Variants in SH3GL2 observed in about 807,000 individuals in gnomAD.
SH3GL2 encodes the protein SH3 domain containing GRB2 like 2, endophilin A1.
SH3GL2 carries 24 observed loss-of-function variants against 46.0 expected under a neutral mutation model. The ratio of observed to expected loss-of-function variants is 0.52; its 90% CI spans 0.38 to 0.73. The LOEUF (loss-of-function observed/expected upper bound fraction) is 0.73, where lower values mean the gene tolerates loss of function less well. SH3GL2 is among the 30% of genes least tolerant of loss of function. The pLI, the probability that SH3GL2 is intolerant of heterozygous loss-of-function variation, is 0.00. For missense variants in SH3GL2, 413 were observed against 424.2 expected (o/e 0.97, Z 0.23); for synonymous variants, 196 against 147.1 (o/e 1.33, Z -2.40).
chr9:17,627,864 C>G (rs959910959), intron 1 of SH3GL2, among the ~76,000 whole-genome samples: 5 of 152,174 alleles, frequency 3.3e-5, no homozygotes, highest in Admixed American at 6.5e-5. Context: ...TTTTACTGCT[C>G]TAGTGACTCA....
intron 1 of SH3GL2, among the ~76,000 whole-genome samples, chr9:17,662,154 C>T (rs1820234582): frequency 6.6e-6 from 1 of 152,106 alleles, no homozygotes; most frequent in African/African-American, 2.4e-5. Context: ...CAGTTAGATC[C>T]TGTTGGTTGA....
Position 17,637,516 on chromosome 9 carries a change from A to G in SH3GL2, c.45+58229A>G, listed in dbSNP as rs551212411. Among the ~76,000 whole-genome samples, 16 of 152,322 alleles carry G rather than the reference A, an allele frequency of 1.1e-4. No individual in the cohort carries two copies. The South Asian group carries it at 3.3e-3, about 32-fold the overall frequency. On this transcript the variant is annotated intron_variant, in intron 1 of 8. Transcript: ENST00000380607. ...ACTGTGTCATAACATCTTTGAATGA[A>G]TAAATTCATATAAAAGACAGAATTC... is the stretch of plus-strand genomic sequence containing the variant.
At chr9:17,745,108 C>T (rs952220931) in intron 1 of SH3GL2, among the ~76,000 whole-genome samples, 2 of 152,116 alleles carry the variant, frequency 1.3e-5, no homozygotes, top group Non-Finnish European at 1.5e-5. Context: ...TTTATGCAAC[C>T]CTCTCTTTTC....
intron 1 of SH3GL2, among the ~76,000 whole-genome samples, chr9:17,726,004 C>T (rs1184118135): frequency 6.6e-6 from 1 of 151,998 alleles, no homozygotes; most frequent in Non-Finnish European, 1.5e-5. Flanking sequence ...AGTCATTGCT[C>T]CAGTGCCACA....
chr9:17,793,435 C>T lies in SH3GL2; in HGVS notation c.797C>T (p.Pro266Leu), dbSNP rs765215611. The change falls in exon 8 of 9, where the codon CCA (proline) becomes CTA (leucine). Residue 266 changes from proline (P) to leucine (L), a missense_variant. Pro to Leu is a moderately conservative substitution (Grantham distance 98). Around this residue, in one of 3 missense-constraint regions of SH3GL2, gnomAD observed 248 missense variants for 215.0 expected, o/e 1.15. Transcript: ENST00000380607. ...AAACCACGAATGAGCCTGGAGTTTC[C>T]AACTGGAGACAGTACTCAGCCCAAT... The part of the protein sequence containing the change: ...QPKPRMSLEF[P>L]TGDSTQPNGG... The T allele has an allele frequency of 3.7e-6, 6 of 1,611,952 alleles. No homozygotes were observed. Among genetic ancestry groups the T allele is most frequent in the Non-Finnish European group, 5.1e-6 (6 of 1,179,278 alleles).
intron 1 of SH3GL2, among the ~76,000 whole-genome samples, chr9:17,643,058 T>C (rs1819723974): frequency 6.6e-6 from 1 of 152,218 alleles, no homozygotes; most frequent in South Asian, 2.1e-4. Flanking sequence ...TCCTCTGTTA[T>C]TTCCTTGAGC....
At chr9:17,601,242 C>CT (rs1818665790) in intron 1 of SH3GL2, among the ~76,000 whole-genome samples, 1 of 151,270 alleles carries the variant, frequency 6.6e-6, no homozygotes, top group South Asian at 2.1e-4. Flanking sequence ...TTTTCTTTTT[C>CT]TTTTTTTGGA....
At chr9:17,682,683 T>TAA (rs538365567) in intron 1 of SH3GL2, among the ~76,000 whole-genome samples, 4 of 136,698 alleles carry the variant, frequency 2.9e-5, no homozygotes, top group South Asian at 2.4e-4. Flanking sequence ...AAAGCAAAAT[T>TAA]AAAAAAAAAA....
intron 1 of SH3GL2, among the ~76,000 whole-genome samples, chr9:17,705,720 T>C (rs1821453634): frequency 6.6e-6 from 1 of 151,904 alleles, no homozygotes; most frequent in South Asian, 2.1e-4. Flanking sequence ...CAAAATACAG[T>C]ATGTTCAGGT....
intron 2 of SH3GL2, chr9:17,755,785 TCCTTACA>T (rs1299038553): frequency 1.6e-5 from 16 of 985,040 alleles, no homozygotes; most frequent in Non-Finnish European, 1.9e-5. Context: ...TGTTCACGAG[TCCTTACA>T]CCTAAGTTCA....
At chr9:17,748,875 G>A (rs558975780) in intron 2 of SH3GL2, among the ~76,000 whole-genome samples, 1 of 152,102 alleles carries the variant, frequency 6.6e-6, no homozygotes, top group Admixed American at 6.5e-5. Flanking sequence ...AGTTAGCAGA[G>A]CCTGGTAAAG....
intron 1 of SH3GL2, among the ~76,000 whole-genome samples, chr9:17,659,667 A>G (rs1271939030): frequency 2.0e-5 from 3 of 152,190 alleles, no homozygotes; most frequent in Non-Finnish European, 4.4e-5. Context: ...GTTTACTCTC[A>G]GAGTTTACTG....
At chr9:17,737,095 C>A (rs1275991703) in intron 1 of SH3GL2, among the ~76,000 whole-genome samples, 3 of 152,036 alleles carry the variant, frequency 2.0e-5, no homozygotes, top group Admixed American at 6.6e-5. Flanking sequence ...AGCAAACTAA[C>A]ACAGGAACAG....
At chr9:17,756,311 C>CT (rs892190241) in intron 2 of SH3GL2, among the ~76,000 whole-genome samples, 1 of 151,798 alleles carries the variant, frequency 6.6e-6, no homozygotes, top group South Asian at 2.1e-4. Flanking sequence ...GTTTCACTTT[C>CT]TTTTTTTTAT....
At chr9:17,646,921 C>T (rs1195700304) in intron 1 of SH3GL2, among the ~76,000 whole-genome samples, 2 of 152,206 alleles carry the variant, frequency 1.3e-5, no homozygotes, top group African/African-American at 2.4e-5. Flanking sequence ...TGATCCACTG[C>T]TCTCTTCAGA....
intron 1 of SH3GL2, among the ~76,000 whole-genome samples, chr9:17,667,837 T>G (rs1255182820): frequency 6.6e-6 from 1 of 152,230 alleles, no homozygotes; most frequent in Non-Finnish European, 1.5e-5. Context: ...TCCTTTTGAC[T>G]ATAACCATCT....
At chr9:17,718,298 AT>A (rs1403200478) in intron 1 of SH3GL2, among the ~76,000 whole-genome samples, 1 of 152,134 alleles carries the variant, frequency 6.6e-6, no homozygotes, top group African/African-American at 2.4e-5. Context: ...CAAGCATTTC[AT>A]TACATTGCCA....
chr9:17,791,170 A>G, intron 6 of SH3GL2, 61 bp from the exon 7 acceptor site: 1 of 1,147,916 alleles, frequency 8.7e-7, no homozygotes, highest in Non-Finnish European at 1.3e-6. Context: ...ATGAAACAGT[A>G]GTGGCTGTTT....
At chr9:17,706,822 A>G (rs1821484427) in intron 1 of SH3GL2, among the ~76,000 whole-genome samples, 1 of 152,032 alleles carries the variant, frequency 6.6e-6, no homozygotes, top group South Asian at 2.1e-4. Flanking sequence ...GACCCTTAAA[A>G]AATGGAATCC....
Sources: gnomAD v4.1 joint callset for allele counts (sites outside exome capture counted in the v4.1 genomes callset) on GRCh38, gnomAD v4.1.1 for gene constraint, gnomAD v4.1.1 regional missense constraint, MANE v1.5 for transcripts, NCBI Gene and HGNC (gene_info 2026-07-23, HGNC 2026-07-21) for gene names.